The following DCAF1 variants were observed in gnomAD, a reference collection of about 807,000 sequenced individuals.
The protein encoded by DCAF1 is DDB1- and CUL4-associated factor 1.
Under a neutral mutation model 128.0 loss-of-function variants are expected in DCAF1, and 15 were observed. That is an observed-to-expected ratio of 0.12 (90% CI 0.08 to 0.18). The LOEUF (loss-of-function observed/expected upper bound fraction) is 0.18. Among genes scored for constraint, DCAF1 ranks in the 10% least tolerant of loss-of-function variants. DCAF1 has a pLI of 1.00. For missense variants in DCAF1, 988 were observed against 1,649.5 expected (o/e 0.60, Z 6.95); for synonymous variants, 610 against 603.0 (o/e 1.01, Z -0.17).
At chr3:51,451,069 CTTTTTTTTTTTTTTTTTTTTTT>C (rs1167474829) in intron 6 of DCAF1, among the ~76,000 whole-genome samples, 8 of 27,110 alleles carry the variant, frequency 3.0e-4, no homozygotes, top group African/African-American at 3.9e-4. Context: ...AAAGGAAATT[CTTTTTTTTTTTTTTTTTTTTTT>C]TTTTTTTTTT....
chr3:51,503,710 G>A (rs1553664799), upstream of DCAF1, among the ~76,000 whole-genome samples: 2 of 152,150 alleles, frequency 1.3e-5, no homozygotes, highest in Non-Finnish European at 2.9e-5. Flanking sequence ...CCCTACTCCT[G>A]CCTGGTGGCC....
At chr3:51,429,887 A>AG (rs1387006707) in intron 11 of DCAF1, 146 bp downstream of exon 11, 22 of 588,994 alleles carry the variant, frequency 3.7e-5, no homozygotes, top group Middle Eastern at 9.0e-4. Flanking sequence ...TTGTGAAGAA[A>AG]GGGAAAAAAA....
Position 51,441,823 on chromosome 3 carries a change from G to A in DCAF1, c.588C>T (p.Pro196=). The part of the protein sequence containing the change: ...EVALRQENKR[P]SPRKLSSEPL... Reference sequence around the variant, plus strand: ...GTTCAGAAGAGAGCTTCCGTGGACTGGGACGCTTGTTTTCCTGCCGCAAAG... The same window carrying A: ...GTTCAGAAGAGAGCTTCCGTGGACTAGGACGCTTGTTTTCCTGCCGCAAAG... The change falls in exon 8 of 25, where the codon CCC becomes CCT. Residue 196 remains proline, a synonymous_variant. Coordinates refer to ENST00000684031, the MANE Select transcript of DCAF1 (RefSeq NM_001387579.1). 1 of 1,613,688 alleles carries A rather than the reference G, an allele frequency of 6.2e-7. No homozygotes were observed. Among genetic ancestry groups the A allele is most frequent in the Non-Finnish European group, 8.5e-7 (1 of 1,179,864 alleles).
chr3:51,490,086 CA>C (rs781858224), intron 2 of DCAF1, among the ~76,000 whole-genome samples: 34 of 151,984 alleles, frequency 2.2e-4, no homozygotes, highest in Non-Finnish European at 4.6e-4. Flanking sequence ...ACAATAGCAC[CA>C]AAAATAATAA....
rs782684635 is a variant in DCAF1, at chr3:51,466,784, A to G, written c.261+19T>C. ...TCTACAGATGATAATCGCTGGAGAA[A>G]AGTAAGAAGCAAACCTACTGCATTC... is the stretch of plus-strand genomic sequence containing the variant. On this transcript the variant is annotated intron_variant, in intron 5 of 24. Coordinates refer to ENST00000684031, the MANE Select transcript of DCAF1 (RefSeq NM_001387579.1). The G allele has an allele frequency of 8.7e-6, 14 of 1,611,692 alleles. 1 individual carries two copies. In the South Asian group the frequency reaches 1.5e-4, roughly 18 times the overall value.
At chr3:51,498,272 A>C (rs1708456731) in intron 1 of DCAF1, among the ~76,000 whole-genome samples, 1 of 150,730 alleles carries the variant, frequency 6.6e-6, no homozygotes, top group Non-Finnish European at 1.5e-5. Flanking sequence ...AGGCAGGAGA[A>C]TCACTTGAAC....
chr3:51,428,568 T>G (rs939621728), intron 12 of DCAF1, among the ~76,000 whole-genome samples: 2 of 152,064 alleles, frequency 1.3e-5, no homozygotes, highest in South Asian at 4.1e-4. Flanking sequence ...GGTGATTTTT[T>G]AAAAAACATG....
intron 13 of DCAF1, among the ~76,000 whole-genome samples, chr3:51,424,619 A>G (rs145773448): frequency 0.013 from 1,961 of 152,282 alleles, 20 homozygotes; most frequent in South Asian, 0.024. Context: ...CAAAAAAACC[A>G]AACAAAAACA....
intron 3 of DCAF1, among the ~76,000 whole-genome samples, chr3:51,483,139 GAA>G (rs374351985): frequency 4.0e-5 from 5 of 125,044 alleles, no homozygotes; most frequent in African/African-American, 9.4e-5. Context: ...AACTCCGTAT[GAA>G]AAAAAAAAAA....
At chr3:51,475,558 T>C (rs2108287282) in intron 3 of DCAF1, among the ~76,000 whole-genome samples, 1 of 152,016 alleles carries the variant, frequency 6.6e-6, no homozygotes, top group Non-Finnish European at 1.5e-5. Context: ...CAGTAAGCTA[T>C]GATAAAACTG....
rs1553638516 is a variant in DCAF1, at chr3:51,441,084, C to T, written c.1027-13G>A. Reference sequence around the variant, plus strand: ...ATATGGGAAGTAGCTGAAATGAACACCAAATACAAGTCTTAAATTTTGGCT... The same window carrying T: ...ATATGGGAAGTAGCTGAAATGAACATCAAATACAAGTCTTAAATTTTGGCT... On this transcript the variant is annotated splice_polypyrimidine_tract_variant and intron_variant, in intron 8 of 24. Coordinates refer to ENST00000684031, the MANE Select transcript of DCAF1 (RefSeq NM_001387579.1). 1.2e-6 allele frequency: 2 copies of T among 1,600,342 alleles called. No homozygotes were observed. The highest frequency in any genetic ancestry group is 1.7e-5 in the Admixed American group (1 of 57,920).
intron 2 of DCAF1, among the ~76,000 whole-genome samples, chr3:51,486,167 G>A (rs1706930415): frequency 6.7e-6 from 1 of 149,376 alleles, no homozygotes; most frequent in African/African-American, 2.5e-5. Flanking sequence ...TGGGATTACA[G>A]CTGTGAAAAC....
At chr3:51,488,818 A>C (rs1707284048) in intron 2 of DCAF1, among the ~76,000 whole-genome samples, 2 of 151,954 alleles carry the variant, frequency 1.3e-5, no homozygotes, top group Admixed American at 6.6e-5. Context: ...AAAAAAAATT[A>C]TCCGGGCGTG....
intron 6 of DCAF1, among the ~76,000 whole-genome samples, chr3:51,449,580 C>T (rs1553641023): frequency 6.6e-6 from 1 of 151,918 alleles, no homozygotes. Context: ...AGGAACTAGG[C>T]CTAACTATGC....
At chr3:51,398,912 T>C in intron 24 of DCAF1, 85 bp from the exon 25 acceptor site, 1 of 1,500,982 alleles carries the variant, frequency 6.7e-7, no homozygotes, top group East Asian at 2.5e-5. Context: ...CTCACATACA[T>C]TCATGCCCGA....
chr3:51,445,712 C>G (rs1553640071), intron 6 of DCAF1, among the ~76,000 whole-genome samples: 2 of 152,206 alleles, frequency 1.3e-5, no homozygotes, highest in Non-Finnish European at 2.9e-5. Flanking sequence ...AGGGTATGTG[C>G]ATGCTGAACT....
At chr3:51,476,237 G>A (rs1705428937) in intron 3 of DCAF1, among the ~76,000 whole-genome samples, 1 of 150,130 alleles carries the variant, frequency 6.7e-6, no homozygotes, top group Admixed American at 6.7e-5. Flanking sequence ...AGTAAAATAC[G>A]AAAATTAGCC....
chr3:51,447,655 C>T (rs566777256), intron 6 of DCAF1, among the ~76,000 whole-genome samples: 1 of 151,978 alleles, frequency 6.6e-6, no homozygotes, highest in South Asian at 2.1e-4. Context: ...ATTAACAGTT[C>T]TAGGTTTACA....
intron 13 of DCAF1, among the ~76,000 whole-genome samples, chr3:51,426,478 GA>G (rs1196729862): frequency 2.0e-5 from 3 of 152,150 alleles, no homozygotes; most frequent in Admixed American, 1.3e-4. Context: ...CCAAAGTGCT[GA>G]AATTACAAGC....
Sources: gnomAD v4.1 joint callset for allele counts (sites outside exome capture counted in the v4.1 genomes callset) on GRCh38, gnomAD v4.1.1 for gene constraint, MANE v1.5 for transcripts, NCBI Gene and HGNC (gene_info 2026-07-23, HGNC 2026-07-21) for gene names.